Variants in FOXP2 observed in about 807,000 individuals in gnomAD.
FOXP2 encodes the protein forkhead box protein P2.
A neutral mutation model predicts 115.8 loss-of-function variants in FOXP2; 12 were observed. That is an observed-to-expected ratio of 0.10 (90% CI 0.07 to 0.17). The LOEUF (loss-of-function observed/expected upper bound fraction) is 0.17, where lower values mean the gene tolerates loss of function less well. FOXP2 is among the 10% of genes least tolerant of loss of function. The pLI, the probability that FOXP2 is intolerant of heterozygous loss-of-function variation, is 1.00. For missense variants in FOXP2, 629 were observed against 843.5 expected (o/e 0.75, Z 3.15); for synonymous variants, 328 against 297.7 (o/e 1.10, Z -1.05).
At chr7:114,567,492 A>C (rs1384699744) in intron 3 of FOXP2, among the ~76,000 whole-genome samples, 1 of 152,156 alleles carries the variant, frequency 6.6e-6, no homozygotes, top group Admixed American at 6.6e-5. Flanking sequence ...AAGAAAAATT[A>C]CAATGATTCA....
chr7:114,422,173 A>G (rs1793651547), intron 1 of FOXP2, among the ~76,000 whole-genome samples: 1 of 151,778 alleles, frequency 6.6e-6, no homozygotes. Flanking sequence ...GATTTAATGC[A>G]TATGTTTGAT....
intron 1 of FOXP2, among the ~76,000 whole-genome samples, chr7:114,098,043 A>G (rs1041337294): frequency 3.9e-5 from 6 of 152,240 alleles, no homozygotes; most frequent in Admixed American, 6.5e-5. Context: ...CAAATTGCCT[A>G]TGGGACATAG....
At chr7:114,476,384 T>C (rs1398387536) in intron 2 of FOXP2, among the ~76,000 whole-genome samples, 1 of 152,008 alleles carries the variant, frequency 6.6e-6, no homozygotes, top group African/African-American at 2.4e-5. Flanking sequence ...GGGAGTTCTT[T>C]TCCCATGCTT....
intron 1 of FOXP2, among the ~76,000 whole-genome samples, chr7:114,175,323 CT>C (rs1173032425): frequency 1.3e-5 from 2 of 151,970 alleles, no homozygotes; most frequent in Non-Finnish European, 2.9e-5. Flanking sequence ...ATGAGTAATT[CT>C]TTTTTAGTGG....
intron 2 of FOXP2, among the ~76,000 whole-genome samples, chr7:114,399,595 G>C (rs897613768): frequency 5.3e-5 from 8 of 152,082 alleles, no homozygotes; most frequent in African/African-American, 1.9e-4. Flanking sequence ...TTATGTGCTT[G>C]ACACTGTTTT....
At chr7:114,214,250 C>T (rs537089949) in intron 1 of FOXP2, among the ~76,000 whole-genome samples, 54 of 152,254 alleles carry the variant, frequency 3.5e-4, no homozygotes, top group Non-Finnish European at 6.5e-4. Context: ...AGGTCACTCT[C>T]AGGGGCAGAG....
intron 2 of FOXP2, among the ~76,000 whole-genome samples, chr7:114,427,838 G>A (rs1793926175): frequency 6.6e-6 from 1 of 151,438 alleles, no homozygotes; most frequent in Non-Finnish European, 1.5e-5. Context: ...TTGTTTTCAA[G>A]AATAATCTTT....
chr7:114,107,888 T>A (rs1197221228), intron 1 of FOXP2, among the ~76,000 whole-genome samples: 1 of 151,948 alleles, frequency 6.6e-6, no homozygotes, highest in Non-Finnish European at 1.5e-5. Flanking sequence ...AATCTTGGGA[T>A]TCCATTGTAC....
intron 3 of FOXP2, among the ~76,000 whole-genome samples, chr7:114,594,841 T>C (rs567449715): frequency 6.6e-6 from 1 of 152,112 alleles, no homozygotes; most frequent in African/African-American, 2.4e-5. Context: ...GAATTAAATC[T>C]TCAATGTAGG....
intron 6 of FOXP2, among the ~76,000 whole-genome samples, chr7:114,634,203 C>T (rs1171519460): frequency 6.6e-6 from 1 of 152,082 alleles, no homozygotes; most frequent in Non-Finnish European, 1.5e-5. Context: ...ACCATGTTGA[C>T]CAGGCTGGTC....
chr7:114,138,654 G>A (rs1792115163), intron 1 of FOXP2, among the ~76,000 whole-genome samples: 1 of 152,086 alleles, frequency 6.6e-6, no homozygotes. Flanking sequence ...TCCTTCCGAA[G>A]TGCTGGGATT....
At chr7:114,427,720 G>C (rs1321691687) in intron 2 of FOXP2, among the ~76,000 whole-genome samples, 2 of 151,366 alleles carry the variant, frequency 1.3e-5, no homozygotes, top group Non-Finnish European at 3.0e-5. Context: ...CATCTCAAAA[G>C]TTAAAGCAAA....
intron 2 of FOXP2, among the ~76,000 whole-genome samples, chr7:114,360,546 C>T (rs754448139): frequency 6.6e-6 from 1 of 152,136 alleles, no homozygotes. Context: ...TACTCCCAAA[C>T]CTTCCCTATT....
intron 3 of FOXP2, among the ~76,000 whole-genome samples, chr7:114,552,889 C>A (rs899443615): frequency 6.6e-6 from 1 of 152,050 alleles, no homozygotes; most frequent in Admixed American, 6.6e-5. Context: ...TTAGCTTTAT[C>A]GCCTAAATTA....
intron 2 of FOXP2, among the ~76,000 whole-genome samples, chr7:114,448,920 ATATT>A (rs1428579855): frequency 1.3e-5 from 2 of 152,130 alleles, no homozygotes; most frequent in African/African-American, 2.4e-5. Context: ...TTTTTGGTGA[ATATT>A]TACTGAAATA....
chr7:114,148,035 CAG>C (rs1562981510), intron 1 of FOXP2, among the ~76,000 whole-genome samples: 1 of 152,176 alleles, frequency 6.6e-6, no homozygotes, highest in Non-Finnish European at 1.5e-5. Context: ...TTCAACTGCA[CAG>C]AGAGGCCAAG....
chr7:114,498,039 T>A (rs1797400132), intron 2 of FOXP2, among the ~76,000 whole-genome samples: 1 of 152,182 alleles, frequency 6.6e-6, no homozygotes, highest in African/African-American at 2.4e-5. Context: ...AAACATCCAC[T>A]ATTATCTATG....
chr7:114,336,068 C>G (rs1797847390), intron 2 of FOXP2, among the ~76,000 whole-genome samples: 1 of 151,678 alleles, frequency 6.6e-6, no homozygotes, highest in Non-Finnish European at 1.5e-5. Flanking sequence ...GCTCTATGGA[C>G]TTGAAATGAT....
chr7:114,156,301 G>A (rs747016970), intron 1 of FOXP2, among the ~76,000 whole-genome samples: 2 of 152,060 alleles, frequency 1.3e-5, no homozygotes, highest in Non-Finnish European at 2.9e-5. Context: ...TGTGCATGTG[G>A]GAGAAGAGCT....
Sources: allele counts gnomAD v4.1 joint callset (sites outside exome capture counted in the v4.1 genomes callset), GRCh38; gene constraint gnomAD v4.1.1; transcripts MANE v1.5; gene names NCBI Gene and HGNC (gene_info 2026-07-23, HGNC 2026-07-21).